MVB12A: variants seen among roughly 807,000 people sequenced by gnomAD.
MVB12A encodes multivesicular body subunit 12A.
A neutral mutation model predicts 34.3 loss-of-function variants in MVB12A; 30 were observed. The observed-to-expected ratio is 0.88, with a 90% CI of 0.65 to 1.19. The LOEUF (loss-of-function observed/expected upper bound fraction) is 1.19, where lower values mean the gene tolerates loss of function less well. MVB12A is among the 50% of genes most tolerant of loss of function. The pLI is 0.00. For synonymous variants in MVB12A, 158 were observed against 158.9 expected, an observed-to-expected ratio of 0.99 and a Z score of 0.04; for missense variants, 355 against 369.2, an observed-to-expected ratio of 0.96 and a Z score of 0.31.
At chr19:17,406,308 G>A (rs1271319279) in intron 2 of MVB12A, 1 of 152,110 alleles carries the variant, frequency 6.6e-6, no homozygotes, top group Admixed American at 6.5e-5. Flanking sequence ...TAAACTCTCT[G>A]AGCCTGTTTC....
intron 2 of MVB12A, among the ~76,000 whole-genome samples, chr19:17,409,036 C>T (rs1420323969): frequency 6.7e-6 from 1 of 150,312 alleles, no homozygotes; most frequent in Non-Finnish European, 1.5e-5. Context: ...GCCATGTTGG[C>T]CAGGCTGGTC....
chr19:17,407,449 G>A (rs1042272286), intron 2 of MVB12A, among the ~76,000 whole-genome samples: 2 of 152,192 alleles, frequency 1.3e-5, no homozygotes, highest in Non-Finnish European at 2.9e-5. Flanking sequence ...GCAGGGTAAA[G>A]AGTGTGAGTC....
chr19:17,411,809 T>C (rs1248227673), intron 2 of MVB12A, among the ~76,000 whole-genome samples: 1 of 151,174 alleles, frequency 6.6e-6, no homozygotes, highest in Non-Finnish European at 1.5e-5. Context: ...AAAAAAAAAA[T>C]AGGAGCAAAG....
chr19:17,420,648 C>T lies in MVB12A; in HGVS notation c.286+14C>T, dbSNP rs989280003. On this transcript the variant is annotated intron_variant, in intron 3 of 8. Transcript: ENST00000317040. ...CCATGGATTCCAGTAAGGGCTGCTT[C>T]GGAGGCGAGAGTTGTCCGGGTCCCT... The T allele has an allele frequency of 6.3e-7, 1 of 1,577,656 alleles. No individual in the cohort carries two copies. Among genetic ancestry groups the T allele is most frequent in the South Asian group, 1.1e-5 (1 of 90,204 alleles).
At chr19:17,423,901 G>A in intron 6 of MVB12A, 102 bp downstream of exon 6, 2 of 1,570,096 alleles carry the variant, frequency 1.3e-6, no homozygotes, top group Non-Finnish European at 8.8e-7. Flanking sequence ...TCCCAACTCT[G>A]GATTCTGTAA....
chr19:17,416,226 C>T (rs939735123), upstream of MVB12A, among the ~76,000 whole-genome samples: 1 of 79,254 alleles, frequency 1.3e-5, no homozygotes, highest in Admixed American at 1.1e-4. Context: ...GGATTACAGG[C>T]GCATGCCACT....
intron 2 of MVB12A, among the ~76,000 whole-genome samples, chr19:17,410,873 C>A: frequency 7.7e-6 from 1 of 130,688 alleles, no homozygotes; most frequent in African/African-American, 2.8e-5. Flanking sequence ...GGTTGCAGTG[C>A]AGTGAGATCG....
intron 3 of MVB12A, 125 bp from the exon 4 acceptor site, chr19:17,422,207 A>C (rs2074842541): frequency 1.3e-6 from 1 of 760,716 alleles, no homozygotes; most frequent in Non-Finnish European, 2.1e-6. Context: ...TCCCACCCCC[A>C]TCCCCAATGT....
At chr19:17,414,559 G>A (rs531380389) in intron 2 of MVB12A, 1 of 152,370 alleles carries the variant, frequency 6.6e-6, no homozygotes, top group Non-Finnish European at 1.5e-5. Context: ...CCAGGGCTGA[G>A]TGTTGTTTAT....
At position 17,420,353 on chromosome 19, in the gene MVB12A, A is replaced by G; in HGVS notation, c.131A>G (p.Lys44Arg). The G allele has an allele frequency of 6.2e-7, 1 of 1,613,330 alleles. No individual in the cohort carries two copies. Among genetic ancestry groups the G allele is most frequent in the Non-Finnish European group, 8.5e-7 (1 of 1,179,702 alleles). Residue 44 changes from lysine to arginine, a missense_variant, in exon 2 of 9, where the codon AAG (lysine) becomes AGG (arginine). Physicochemically the swap from Lys to Arg is conservative, Grantham distance 26. Transcript: ENST00000317040. The part of the protein sequence containing the change: ...TVEGAPASFG[K>R]SFAQKSGYFL... Reference sequence around the variant, plus strand: ...GAGGGGGCACCCGCCAGCTTTGGCAAGAGCTTCGCGCAGAAATCTGGCTAC... The same window carrying G: ...GAGGGGGCACCCGCCAGCTTTGGCAGGAGCTTCGCGCAGAAATCTGGCTAC...
chr19:17,410,496 T>TTATATATGTGTA (rs1568387298), intron 2 of MVB12A, among the ~76,000 whole-genome samples: 575 of 31,332 alleles, frequency 0.018, 26 homozygotes, highest in Middle Eastern at 0.031. Context: ...GGTTTTAGCT[T>TTATATATGTGTA]CATATATATA....
rs970491348 is a variant in MVB12A, at chr19:17,422,236, A to G, written c.287-96A>G. On this transcript the variant is annotated intron_variant, in intron 3 of 8. Coordinates refer to ENST00000317040, the MANE Select transcript of MVB12A (RefSeq NM_138401.4). ...CCAATGTTGTCCATGTGGCTGCCTT[A>G]AACAGCACCCTGGCGAGCCTCATCC... 12 of 1,284,832 alleles carry G rather than the reference A, an allele frequency of 9.3e-6. No homozygotes were observed. The South Asian group carries it at 1.8e-4, about 19-fold the overall frequency. The allele number at this position is 1,284,832 out of a possible 1,614,324, so 79.6% of individuals were successfully genotyped here.
rs1938743685 is a variant in MVB12A at position 17,423,547 on chromosome 19, C to G, written c.463C>G (p.Pro155Ala). Residue 155 changes from proline (P) to alanine (A), a missense_variant, in exon 5 of 9, where the codon CCA becomes GCA. By Grantham distance (27) the Pro-to-Ala change is conservative. Coordinates refer to ENST00000317040, the MANE Select transcript of MVB12A (RefSeq NM_138401.4). ...IWCKKAKAPR[P>A]VPKPRGLSRD... ...GTGCAAGAAGGCCAAGGCCCCGAGG[C>G]CAGTGCCCAAGCCCCGAGGTCTCAG... 6.2e-7 allele frequency: 1 copy of G among 1,613,862 alleles called. No individual in the cohort carries two copies. Among genetic ancestry groups the G allele is most frequent in the South Asian group, 1.1e-5 (1 of 91,078 alleles).
chr19:17,410,527 T>TACACACACACACACACACACACACACAC (rs1375212841), intron 2 of MVB12A, among the ~76,000 whole-genome samples: 1 of 78,072 alleles, frequency 1.3e-5, no homozygotes, highest in African/African-American at 6.5e-5. Context: ...TATATATATA[T>TACACACACACACACACACACACACACAC]ATACACACAC....
At chr19:17,421,109 T>C in intron 3 of MVB12A, 1 of 456,624 alleles carries the variant, frequency 2.2e-6, no homozygotes, top group South Asian at 1.6e-5. Context: ...CAGCCCCACC[T>C]GAACTTTCCC....
chr19:17,423,189 C>CT (rs1484929938), intron 4 of MVB12A, among the ~76,000 whole-genome samples: 2 of 106,550 alleles, frequency 1.9e-5, no homozygotes, highest in Non-Finnish European at 3.7e-5. Context: ...TCCGTTTCTA[C>CT]TTAAAAAAAA....
chr19:17,407,411 GT>G (rs1218825289), intron 2 of MVB12A, among the ~76,000 whole-genome samples: 1 of 152,132 alleles, frequency 6.6e-6, no homozygotes, highest in Non-Finnish European at 1.5e-5. Context: ...TGGCTGTGCT[GT>G]TATTTATTGG....
chr19:17,417,124 T>C, upstream of MVB12A: 1 of 283,776 alleles, frequency 3.5e-6, no homozygotes, highest in Non-Finnish European at 7.2e-6. Flanking sequence ...CAGCAACCTC[T>C]TCCTCATATT....
intron 3 of MVB12A, among the ~76,000 whole-genome samples, chr19:17,421,480 G>A (rs542978265): frequency 3.3e-5 from 5 of 151,626 alleles, no homozygotes; most frequent in African/African-American, 7.2e-5. Flanking sequence ...CACCGCACCC[G>A]GCCAAACTTT....
Sources: gnomAD v4.1 joint callset for allele counts (sites outside exome capture counted in the v4.1 genomes callset) on GRCh38, gnomAD v4.1.1 for gene constraint, MANE v1.5 for transcripts, NCBI Gene and HGNC (gene_info 2026-07-23, HGNC 2026-07-21) for gene names.